NHLRC2: variants seen among roughly 807,000 people sequenced by gnomAD.
The protein encoded by NHLRC2 is NHL repeat containing 2, also known as NHL repeat-containing protein 2.
Under a neutral mutation model 68.1 loss-of-function variants are expected in NHLRC2, and 33 were observed. That is an observed-to-expected ratio of 0.48 (90% CI 0.37 to 0.65). NHLRC2 has a LOEUF of 0.65. NHLRC2 is among the 30% of genes least tolerant of loss of function. The pLI is 0.00. For missense variants in NHLRC2, 761 were observed against 853.8 expected, an observed-to-expected ratio of 0.89 and a Z score of 1.35; for synonymous variants, 311 against 309.6, an observed-to-expected ratio of 1.00 and a Z score of -0.05.
intron 5 of NHLRC2, among the ~76,000 whole-genome samples, chr10:113,895,459 A>C (rs1035459414): frequency 2.0e-5 from 3 of 152,218 alleles, no homozygotes; most frequent in Non-Finnish European, 4.4e-5. Context: ...TAAGGAGCTA[A>C]GAATGATGGG....
intron 2 of NHLRC2, among the ~76,000 whole-genome samples, chr10:113,862,844 A>G (rs1845829793): frequency 6.6e-6 from 1 of 152,218 alleles, no homozygotes; most frequent in Admixed American, 6.5e-5. Context: ...AGGACATTAT[A>G]TACTAATAAA....
chr10:113,874,215 T>G (rs1050483836), intron 2 of NHLRC2, among the ~76,000 whole-genome samples: 1 of 152,238 alleles, frequency 6.6e-6, no homozygotes, highest in Non-Finnish European at 1.5e-5. Flanking sequence ...CTAGGTACTA[T>G]GCTAAATGCC....
chr10:113,860,503 A>AAAGAACAGGGAAGTACAGCCCATTC (rs577330974), intron 2 of NHLRC2, among the ~76,000 whole-genome samples: 7 of 152,186 alleles, frequency 4.6e-5, no homozygotes, highest in East Asian at 1.9e-4. Context: ...AAGCATACAC[A>AAAGAACAGGGAAGTACAGCCCATTC]AAGAACAGGG....
chr10:113,883,954 A>C (rs1044200447), intron 4 of NHLRC2, among the ~76,000 whole-genome samples: 2 of 151,836 alleles, frequency 1.3e-5, no homozygotes, highest in African/African-American at 4.8e-5. Context: ...TTAAAATTTC[A>C]TTTTAAAATT....
chr10:113,867,723 G>A (rs1234197643), intron 2 of NHLRC2, among the ~76,000 whole-genome samples: 1 of 152,088 alleles, frequency 6.6e-6, no homozygotes, highest in Non-Finnish European at 1.5e-5. Flanking sequence ...ATCTCAGAAT[G>A]TCTCCATTAC....
chr10:113,865,284 C>CG (rs1462466677), intron 2 of NHLRC2, among the ~76,000 whole-genome samples: 1 of 137,304 alleles, frequency 7.3e-6, no homozygotes, highest in African/African-American at 2.7e-5. Context: ...CTTTTCATCC[C>CG]CCCCCCCCGT....
intron 5 of NHLRC2, among the ~76,000 whole-genome samples, chr10:113,887,367 G>A (rs1846091920): frequency 1.3e-5 from 2 of 152,160 alleles, no homozygotes; most frequent in Non-Finnish European, 2.9e-5. Context: ...CATTTAAATT[G>A]CTGTGTCATA....
chr10:113,898,468 C>A (rs1846198278), intron 6 of NHLRC2, among the ~76,000 whole-genome samples: 1 of 152,156 alleles, frequency 6.6e-6, no homozygotes, highest in South Asian at 2.1e-4. Context: ...CATCCTGGCA[C>A]AGTGAGAGAG....
intron 2 of NHLRC2, among the ~76,000 whole-genome samples, chr10:113,866,956 T>C (rs1056333247): frequency 1.3e-5 from 2 of 152,164 alleles, no homozygotes; most frequent in Non-Finnish European, 2.9e-5. Flanking sequence ...GTGCTCTTAA[T>C]TTCCTCAGCC....
At chr10:113,881,390 A>T (rs1846034923) in intron 4 of NHLRC2, among the ~76,000 whole-genome samples, 1 of 151,866 alleles carries the variant, frequency 6.6e-6, no homozygotes, top group Admixed American at 6.6e-5. Context: ...TGTCTGCAGA[A>T]ATGGAAAGTG....
chr10:113,878,988 ACC>A (rs1846011336), intron 3 of NHLRC2, among the ~76,000 whole-genome samples: 1 of 152,152 alleles, frequency 6.6e-6, no homozygotes, highest in Non-Finnish European at 1.5e-5. Flanking sequence ...TATATTCTCC[ACC>A]CTTGAAACTC....
At chr10:113,881,402 A>G (rs1846035047) in intron 4 of NHLRC2, among the ~76,000 whole-genome samples, 1 of 151,804 alleles carries the variant, frequency 6.6e-6, no homozygotes, top group South Asian at 2.1e-4. Flanking sequence ...TGGAAAGTGG[A>G]ATTTTTTCCT....
intron 2 of NHLRC2, among the ~76,000 whole-genome samples, chr10:113,867,227 A>G (rs1190746689): frequency 6.6e-6 from 1 of 152,266 alleles, no homozygotes; most frequent in East Asian, 1.9e-4. Flanking sequence ...GCAAGAGCCA[A>G]TCTTGTTTGC....
intron 2 of NHLRC2, among the ~76,000 whole-genome samples, chr10:113,876,314 A>T (rs2134706219): frequency 6.6e-6 from 1 of 152,256 alleles, no homozygotes; most frequent in Non-Finnish European, 1.5e-5. Flanking sequence ...GTGTGTTTTT[A>T]TGTAGTAATC....
At chr10:113,884,933 A>G (rs185227974) in intron 5 of NHLRC2, among the ~76,000 whole-genome samples, 1 of 151,912 alleles carries the variant, frequency 6.6e-6, no homozygotes, top group African/African-American at 2.4e-5. Flanking sequence ...TATCTTTATT[A>G]TCTATATTAA....
chr10:113,896,863 G>A (rs1043578160), intron 5 of NHLRC2, among the ~76,000 whole-genome samples: 40 of 151,668 alleles, frequency 2.6e-4, no homozygotes, highest in African/African-American at 4.3e-4. Context: ...GCATGGTGGC[G>A]GGTGCCTGTA....
intron 5 of NHLRC2, among the ~76,000 whole-genome samples, chr10:113,892,572 A>G (rs775208765): frequency 2.2e-4 from 33 of 152,308 alleles, no homozygotes; most frequent in Non-Finnish European, 4.1e-4. Flanking sequence ...TTTGGAGGCC[A>G]CACTCCAGGA....
chr10:113,914,938 G>T lies in NHLRC2; in HGVS notation c.*6402G>T, dbSNP rs1321069660. The T allele has an allele frequency of 2.2e-6, 1 of 455,640 alleles. No homozygotes were observed. Among genetic ancestry groups the T allele is most frequent in the African/African-American group, 2.0e-5 (1 of 50,050 alleles). The allele number at this position is 455,640 out of a possible 1,614,324, so 28.2% of individuals were successfully genotyped here. A position where few individuals can be genotyped will look rare whatever the true frequency, so the allele number is the denominator to read the frequency against. Reference sequence around the variant, plus strand: ...GCCCCTTTACATATGAGCTCTGGAGGTTCGCCTGGCTGCCTCAGGCTTGCA... The same window carrying T: ...GCCCCTTTACATATGAGCTCTGGAGTTTCGCCTGGCTGCCTCAGGCTTGCA... On this transcript the variant is annotated 3_prime_UTR_variant, in exon 11 of 11. Coordinates refer to ENST00000369301, the MANE Select transcript of NHLRC2 (RefSeq NM_198514.4).
chr10:113,866,523 T>C (rs979310614), intron 2 of NHLRC2, among the ~76,000 whole-genome samples: 2 of 152,290 alleles, frequency 1.3e-5, no homozygotes, highest in South Asian at 2.1e-4. Flanking sequence ...GCTAGGTGTA[T>C]GTTAATGTAT....
Sources: gnomAD v4.1 joint callset for allele counts (sites outside exome capture counted in the v4.1 genomes callset) on GRCh38, gnomAD v4.1.1 for gene constraint, MANE v1.5 for transcripts, NCBI Gene and HGNC (gene_info 2026-07-23, HGNC 2026-07-21) for gene names.